Variants in NIN observed in about 807,000 individuals in gnomAD.
NIN encodes the protein glycogen synthase kinase 3 beta-interacting protein.
A neutral mutation model predicts 257.6 loss-of-function variants in NIN; 137 were observed. That is an observed-to-expected ratio of 0.53 (90% CI 0.46 to 0.61). The LOEUF is 0.61. NIN is among the 20% of genes least tolerant of loss of function. The pLI is 0.00. For missense variants in NIN, 2,439 were observed against 2,501.2 expected, an observed-to-expected ratio of 0.98 and a Z score of 0.53; for synonymous variants, 918 against 919.8, an observed-to-expected ratio of 1.00 and a Z score of 0.04.
At chr14:50,726,554 G>C (rs2040418924) in intron 29 of NIN, 1 of 152,876 alleles carries the variant, frequency 6.5e-6, no homozygotes, top group African/African-American at 2.4e-5. Context: ...TGACTGTGAG[G>C]GTGGTAAGTT....
At chr14:50,809,054 C>G (rs2044461821) in intron 3 of NIN, among the ~76,000 whole-genome samples, 1 of 152,082 alleles carries the variant, frequency 6.6e-6, no homozygotes, top group African/African-American at 2.4e-5. Context: ...AACCCCGTCT[C>G]CACTAAAAAT....
In NIN at chr14:50,739,426, G is replaced by A. The variant is rs758909479; in HGVS notation, c.5510C>T (p.Ser1837Phe). Residue 1837 changes from serine (S) to phenylalanine (F), a missense_variant, in exon 26 of 31, where the codon TCC becomes TTC. By Grantham distance (155) the Ser-to-Phe change is radical. Around this residue, in one of 3 missense-constraint regions of NIN, gnomAD observed 2,043 missense variants for 2,050.2 expected, o/e 1.00. Coordinates refer to ENST00000530997, the MANE Select transcript of NIN (RefSeq NM_020921.4). ...SGLHNQQKRL[S>F]WDKLDHLMNE... Reference sequence around the variant, plus strand: ...CATCAGATGATCCAACTTGTCCCAGGACAGCCTTTTCTGCTGGTTATGGAG... The same window carrying A: ...CATCAGATGATCCAACTTGTCCCAGAACAGCCTTTTCTGCTGGTTATGGAG... The A allele has an allele frequency of 1.4e-5, 22 of 1,614,054 alleles. No homozygotes were observed. Among genetic ancestry groups the A allele is most frequent in the African/African-American group, 2.7e-5 (2 of 74,920 alleles).
chr14:50,760,878 A>G (rs2042250332), intron 16 of NIN, among the ~76,000 whole-genome samples: 1 of 152,062 alleles, frequency 6.6e-6, no homozygotes, highest in Non-Finnish European at 1.5e-5. Flanking sequence ...CATGTTGCCC[A>G]GACTGGTCTT....
Position 50,723,404 on chromosome 14 carries a change from A to C in NIN, c.*59T>G. 1.4e-6 allele frequency: 2 copies of C among 1,446,448 alleles called. No homozygotes were observed. Among genetic ancestry groups the C allele is most frequent in the Non-Finnish European group, 1.9e-6 (2 of 1,036,524 alleles). 89.6% of individuals were successfully genotyped at this position (1,446,448 alleles called of 1,614,324 possible). ...AGGCTTAATTTTAAGTTGAGAACCTACTGAAATGTTCATCTATTTCAGTAA... is the reference window on the plus strand; with the variant it reads ...AGGCTTAATTTTAAGTTGAGAACCTCCTGAAATGTTCATCTATTTCAGTAA... On this transcript the variant is annotated 3_prime_UTR_variant, in exon 31 of 31. Coordinates refer to ENST00000530997, the MANE Select transcript of NIN (RefSeq NM_020921.4).
intron 5 of NIN, among the ~76,000 whole-genome samples, chr14:50,789,502 C>T (rs1595874338): frequency 6.6e-6 from 1 of 152,262 alleles, no homozygotes; most frequent in East Asian, 1.9e-4. Context: ...ACCTGGGAGG[C>T]GGAGCTTCCA....
intron 17 of NIN, among the ~76,000 whole-genome samples, chr14:50,759,574 A>G (rs555857212): frequency 1.4e-4 from 21 of 151,940 alleles, no homozygotes; most frequent in Admixed American, 1.3e-3. Context: ...GCTCACTGCA[A>G]GCTCCGCCTC....
intron 16 of NIN, among the ~76,000 whole-genome samples, chr14:50,760,964 C>T (rs751983758): frequency 6.6e-6 from 1 of 152,160 alleles, no homozygotes; most frequent in Non-Finnish European, 1.5e-5. Flanking sequence ...CCACTGTACC[C>T]TGCTGGGTCT....
chr14:50,788,100 A>G (rs912855856), intron 5 of NIN, among the ~76,000 whole-genome samples: 1 of 152,208 alleles, frequency 6.6e-6, no homozygotes, highest in Non-Finnish European at 1.5e-5. Flanking sequence ...AATGTTTACA[A>G]TTTATGTTGG....
intron 2 of NIN, among the ~76,000 whole-genome samples, chr14:50,827,120 C>A (rs1030050616): frequency 1.3e-5 from 2 of 152,214 alleles, no homozygotes; most frequent in African/African-American, 4.8e-5. Context: ...TTCTTTTCTG[C>A]AAATACTTTA....
intron 21 of NIN, among the ~76,000 whole-genome samples, chr14:50,748,513 G>A (rs1438052091): frequency 6.6e-6 from 1 of 152,188 alleles, no homozygotes; most frequent in Non-Finnish European, 1.5e-5. Context: ...ATTCAAATAG[G>A]AAGAGAGGAA....
At chr14:50,794,569 C>A in intron 4 of NIN, 1 of 610,882 alleles carries the variant, frequency 1.6e-6, no homozygotes. Context: ...TAATTTATTA[C>A]ATATTCTTAA....
At chr14:50,723,774 C>T (rs1242535171) in intron 30 of NIN, 102 bp from the exon 31 acceptor site, 2 of 907,048 alleles carry the variant, frequency 2.2e-6, no homozygotes, top group Middle Eastern at 2.2e-4. Flanking sequence ...AAAGGCAAAT[C>T]ACTTCGTCTA....
In NIN at chr14:50,723,272, G is replaced by A. The variant is rs2040304791; in HGVS notation, c.*191C>T. On this transcript the variant is annotated 3_prime_UTR_variant, in exon 31 of 31. Coordinates refer to ENST00000530997, the MANE Select transcript of NIN (RefSeq NM_020921.4). ...AATTCAAATCTTGGGAATAATTTAAGTAGTGAAATATGTGAGTATTTATTT... is the reference window on the plus strand; with the variant it reads ...AATTCAAATCTTGGGAATAATTTAAATAGTGAAATATGTGAGTATTTATTT... 2 of 452,454 alleles carry A rather than the reference G, an allele frequency of 4.4e-6. No individual in the cohort carries two copies. The highest frequency in any genetic ancestry group is 7.7e-6 in the Non-Finnish European group (2 of 258,102). The allele number at this position is 452,454 out of a possible 1,614,324, so 28.0% of individuals were successfully genotyped here.
chr14:50,731,833 T>C (rs573300028), intron 28 of NIN, among the ~76,000 whole-genome samples: 1 of 152,136 alleles, frequency 6.6e-6, no homozygotes, highest in African/African-American at 2.4e-5. Context: ...TAAAAATAAA[T>C]AAATAAAAAA....
chr14:50,738,151 CAGG>C lies in NIN; in HGVS notation c.5761_5763del (p.Pro1921del). On this transcript the variant is annotated inframe_deletion, in exon 27 of 31. Coordinates refer to ENST00000530997, the MANE Select transcript of NIN (RefSeq NM_020921.4). ...TCTCAAAAACTCACCTTCCTGTTAG[CAGG>C]AGATTGTTCTTTCTGAAACTGATCA... 1 of 1,613,982 alleles carries C rather than the reference CAGG, an allele frequency of 6.2e-7. No individual in the cohort carries two copies. Among genetic ancestry groups the C allele is most frequent in the Non-Finnish European group, 8.5e-7 (1 of 1,179,962 alleles).
chr14:50,726,382 A>G (rs1030394786), intron 29 of NIN: 3 of 249,640 alleles, frequency 1.2e-5, no homozygotes, highest in Admixed American at 5.0e-5. Context: ...TGGACATCCA[A>G]GGTAACTTGG....
intron 5 of NIN, among the ~76,000 whole-genome samples, chr14:50,780,457 G>A (rs2043090106): frequency 6.6e-6 from 1 of 152,152 alleles, no homozygotes; most frequent in Non-Finnish European, 1.5e-5. Flanking sequence ...ATGACAGATG[G>A]TATGGCACGT....
intron 4 of NIN, among the ~76,000 whole-genome samples, chr14:50,798,181 C>T (rs1422208081): frequency 1.3e-5 from 2 of 152,206 alleles, no homozygotes; most frequent in Non-Finnish European, 2.9e-5. Flanking sequence ...CAATTAGCAC[C>T]TCCCTCCCCA....
intron 21 of NIN, among the ~76,000 whole-genome samples, chr14:50,751,538 T>C (rs914245237): frequency 5.3e-5 from 8 of 152,214 alleles, no homozygotes; most frequent in Non-Finnish European, 1.0e-4. Flanking sequence ...TGAACATTTT[T>C]CCATAGATTT....
Sources: allele counts gnomAD v4.1 joint callset (sites outside exome capture counted in the v4.1 genomes callset), GRCh38; gene constraint gnomAD v4.1.1; regional missense constraint gnomAD v4.1.1; transcripts MANE v1.5; gene names NCBI Gene and HGNC (gene_info 2026-07-23, HGNC 2026-07-21).